CCDC32: variants seen among roughly 807,000 people sequenced by gnomAD.
CCDC32 encodes the protein coiled-coil domain-containing protein 32.
CCDC32 carries 9 observed loss-of-function variants against 20.1 expected under a neutral mutation model. That is an observed-to-expected ratio of 0.45 (90% CI 0.27 to 0.78). The LOEUF (loss-of-function observed/expected upper bound fraction) is 0.78. CCDC32 is among the 30% of genes least tolerant of loss of function. CCDC32 has a pLI of 0.16. For missense variants in CCDC32, 204 were observed against 215.5 expected (o/e 0.95, Z 0.33); for synonymous variants, 63 against 79.0 (o/e 0.80, Z 1.07).
intron 3 of CCDC32, among the ~76,000 whole-genome samples, chr15:40,547,045 A>G (rs554145536): frequency 6.6e-5 from 10 of 151,708 alleles, no homozygotes; most frequent in Non-Finnish European, 1.5e-4. Flanking sequence ...GGTGTATAAA[A>G]CAGCAGAGAC....
downstream of CCDC32, chr15:40,534,820 G>A: frequency 1.4e-6 from 1 of 695,138 alleles, no homozygotes; most frequent in South Asian, 1.5e-5. Flanking sequence ...ATCACATCAG[G>A]ATTAGTGTTT....
At position 40,562,536 on chromosome 15, in the gene CCDC32, C is replaced by T. The variant is rs532201870; in HGVS notation, c.244+236G>A. Among the ~76,000 whole-genome samples, 7 of 152,142 alleles carry T rather than the reference C, an allele frequency of 4.6e-5. No homozygotes were observed. In the East Asian group the frequency reaches 1.2e-3, roughly 25 times the overall value. On this transcript the variant is annotated intron_variant, in intron 2 of 3. Coordinates refer to ENST00000416810, the MANE Select transcript of CCDC32 (RefSeq NM_001080792.4). ...TGGAGGTTGCCATGAGCTAAGATCA[C>T]GCCACTGCACTCCAGCCTGGGCAAC...
chr15:40,542,687 T>G (rs1050283743), intron 3 of CCDC32, among the ~76,000 whole-genome samples: 2 of 151,038 alleles, frequency 1.3e-5, no homozygotes, highest in African/African-American at 4.9e-5. Context: ...GCTAATACGG[T>G]GAAACCCCGT....
chr15:40,532,084 T>G (rs1428282989), downstream of CCDC32: 1 of 462,798 alleles, frequency 2.2e-6, no homozygotes, highest in African/African-American at 2.0e-5. Context: ...ATAAAGAACA[T>G]TTTGCTAAGT....
chr15:40,541,473 T>C (rs921926912), intron 3 of CCDC32, among the ~76,000 whole-genome samples: 2 of 152,122 alleles, frequency 1.3e-5, no homozygotes, highest in Non-Finnish European at 2.9e-5. Context: ...GCTGGGACTA[T>C]GGGCACACAC....
chr15:40,526,554 A>G (rs890663498), downstream of CCDC32, among the ~76,000 whole-genome samples: 1 of 152,222 alleles, frequency 6.6e-6, no homozygotes, highest in African/African-American at 2.4e-5. Flanking sequence ...TGCCTTTGTC[A>G]TATGACCTTG....
intron 2 of CCDC32, among the ~76,000 whole-genome samples, chr15:40,558,994 G>A (rs1202455622): frequency 1.3e-5 from 2 of 152,076 alleles, no homozygotes; most frequent in African/African-American, 4.8e-5. Context: ...AGTAGAAACA[G>A]GATTTTGTCA....
intron 3 of CCDC32, among the ~76,000 whole-genome samples, chr15:40,556,042 G>A (rs916019329): frequency 2.0e-5 from 3 of 152,170 alleles, no homozygotes; most frequent in Non-Finnish European, 4.4e-5. Context: ...AACTTATGAG[G>A]TAAGAGCTGA....
At chr15:40,526,010 T>C (rs1421855275), downstream of CCDC32, among the ~76,000 whole-genome samples, 1 of 152,060 alleles carries the variant, frequency 6.6e-6, no homozygotes. Context: ...TGGGCTTTAC[T>C]GTTCTTTCCC....
intron 2 of CCDC32, among the ~76,000 whole-genome samples, chr15:40,560,323 T>C (rs965382661): frequency 1.3e-5 from 2 of 152,142 alleles, no homozygotes; most frequent in East Asian, 1.9e-4. Context: ...AAAAAATTTA[T>C]GACTAAGATC....
At chr15:40,526,869 A>C (rs1266522881), downstream of CCDC32, among the ~76,000 whole-genome samples, 1 of 152,116 alleles carries the variant, frequency 6.6e-6, no homozygotes, top group East Asian at 1.9e-4. Flanking sequence ...GCGTCACTGC[A>C]CTCCAGCCTG....
the CCDC32 span, among the ~76,000 whole-genome samples, chr15:40,523,278 G>T: frequency 6.6e-6 from 1 of 151,852 alleles, no homozygotes; most frequent in Non-Finnish European, 1.5e-5. Flanking sequence ...GCTGAGGTGG[G>T]TGGATCACCT....
intron 3 of CCDC32, among the ~76,000 whole-genome samples, chr15:40,545,255 G>C (rs1403044645): frequency 6.6e-6 from 1 of 152,134 alleles, no homozygotes; most frequent in Non-Finnish European, 1.5e-5. Context: ...TAAGATTAAA[G>C]AGCCAAAACT....
chr15:40,528,587 A>C (rs1894929310), downstream of CCDC32: 3 of 597,934 alleles, frequency 5.0e-6, no homozygotes, highest in East Asian at 8.4e-5. Context: ...AGGGCCCTCA[A>C]ATCCAGGGAG....
chr15:40,527,821 C>A (rs1159525855), downstream of CCDC32, among the ~76,000 whole-genome samples: 4 of 152,168 alleles, frequency 2.6e-5, no homozygotes, highest in Non-Finnish European at 5.9e-5. Flanking sequence ...AGCCCCTTGA[C>A]CTTGGACTTC....
At chr15:40,551,833 A>AAAAAAAT (rs1889885629), downstream of CCDC32, among the ~76,000 whole-genome samples, 2 of 116,056 alleles carry the variant, frequency 1.7e-5, no homozygotes, top group African/African-American at 6.0e-5. Context: ...AAAAAAAAAA[A>AAAAAAAT]AAAAGGTTAA....
chr15:40,539,260 A>T (rs1187400718), exon 4 of CCDC32: 8 of 1,535,434 alleles, frequency 5.2e-6, no homozygotes, highest in Non-Finnish European at 7.0e-6. Context: ...CTGGGCTGGA[A>T]ATGTCCTTCG....
intron 2 of CCDC32, among the ~76,000 whole-genome samples, chr15:40,560,188 T>G (rs983286546): frequency 3.9e-5 from 6 of 152,164 alleles, no homozygotes; most frequent in Non-Finnish European, 7.3e-5. Flanking sequence ...TTGTGTATTT[T>G]TATTAGAGAC....
At chr15:40,557,784 T>C (rs1890348878) in intron 2 of CCDC32, 1 of 153,140 alleles carries the variant, frequency 6.5e-6, no homozygotes, top group Non-Finnish European at 1.4e-5. Flanking sequence ...TTTCTTTTTG[T>C]TACAGTAACA....
Sources: allele counts gnomAD v4.1 joint callset (sites outside exome capture counted in the v4.1 genomes callset), GRCh38; gene constraint gnomAD v4.1.1; transcripts MANE v1.5; gene names NCBI Gene and HGNC (gene_info 2026-07-23, HGNC 2026-07-21).